PDE11A: variants seen among roughly 807,000 people sequenced by gnomAD.
PDE11A encodes the protein phosphodiesterase 11A.
In PDE11A, 100 loss-of-function variants were observed where a neutral mutation model predicts 100.5. The ratio of observed to expected loss-of-function variants is 1.00; its 90% CI spans 0.85 to 1.18. The LOEUF (loss-of-function observed/expected upper bound fraction) is 1.18, where lower values mean the gene tolerates loss of function less well. Ranked by LOEUF, PDE11A falls within the 50% of genes most tolerant of loss-of-function variation. The pLI is 0.00. For missense variants in PDE11A, 1,141 were observed against 1,152.6 expected, an observed-to-expected ratio of 0.99 and a Z score of 0.15; for synonymous variants, 381 against 420.8, an observed-to-expected ratio of 0.91 and a Z score of 1.16.
At chr2:177,845,051 G>C (rs1413224401) in intron 5 of PDE11A, among the ~76,000 whole-genome samples, 1 of 151,882 alleles carries the variant, frequency 6.6e-6, no homozygotes, top group Non-Finnish European at 1.5e-5. Flanking sequence ...ATGAGCTGTT[G>C]GGCACACCTC....
chr2:177,713,583 C>T (rs1028166759), intron 12 of PDE11A, among the ~76,000 whole-genome samples: 15 of 151,900 alleles, frequency 9.9e-5, no homozygotes, highest in African/African-American at 2.7e-4. Flanking sequence ...AAATTAGCCT[C>T]GCTTGGTGGC....
chr2:178,036,866 T>C (rs991171219), intron 1 of PDE11A, among the ~76,000 whole-genome samples: 8 of 152,002 alleles, frequency 5.3e-5, no homozygotes, highest in Admixed American at 3.9e-4. Context: ...TATAGAAAAA[T>C]TAACTCAAGA....
intron 9 of PDE11A, among the ~76,000 whole-genome samples, chr2:177,776,828 G>C (rs1381893512): frequency 6.6e-6 from 1 of 152,140 alleles, no homozygotes; most frequent in Admixed American, 6.6e-5. Context: ...TGGTTTGGCT[G>C]TGTCCCCAAC....
intron 10 of PDE11A, among the ~76,000 whole-genome samples, chr2:177,738,117 G>A (rs560564370): frequency 3.7e-4 from 53 of 141,870 alleles, no homozygotes; most frequent in Admixed American, 1.4e-3. Context: ...TGCCTTCTAA[G>A]TTTGTGTGAA....
chr2:177,854,399 G>T (rs2083792501), intron 5 of PDE11A, among the ~76,000 whole-genome samples: 1 of 152,056 alleles, frequency 6.6e-6, no homozygotes, highest in African/African-American at 2.4e-5. Flanking sequence ...TCATTAAGAT[G>T]AATTTGGAAG....
chr2:177,838,787 C>G (rs1490067328), intron 6 of PDE11A, among the ~76,000 whole-genome samples: 1 of 152,142 alleles, frequency 6.6e-6, no homozygotes, highest in Non-Finnish European at 1.5e-5. Flanking sequence ...TTTCAGTGCT[C>G]CAGTCATATA....
chr2:177,917,848 T>A (rs548885804), intron 2 of PDE11A, among the ~76,000 whole-genome samples: 32 of 152,342 alleles, frequency 2.1e-4, no homozygotes, highest in Non-Finnish European at 3.5e-4. Context: ...ACATGGATAA[T>A]AAACCATACT....
At chr2:177,877,992 G>T (rs2084268568) in intron 4 of PDE11A, among the ~76,000 whole-genome samples, 1 of 124,624 alleles carries the variant, frequency 8.0e-6, no homozygotes, top group Non-Finnish European at 1.7e-5. Context: ...AATAGGAATA[G>T]ATTAAATATT....
chr2:177,631,647 A>G (rs190101857), intron 19 of PDE11A, among the ~76,000 whole-genome samples: 58 of 137,606 alleles, frequency 4.2e-4, no homozygotes, highest in Admixed American at 7.9e-4. Flanking sequence ...ATACATATAT[A>G]TGTGTGTGTA....
chr2:177,803,847 T>C (rs2082828473), intron 9 of PDE11A, among the ~76,000 whole-genome samples: 1 of 151,956 alleles, frequency 6.6e-6, no homozygotes, highest in Non-Finnish European at 1.5e-5. Context: ...GCCAACATCA[T>C]ACTCAATGGA....
At chr2:177,883,634 A>G (rs2084382487) in intron 4 of PDE11A, among the ~76,000 whole-genome samples, 1 of 152,194 alleles carries the variant, frequency 6.6e-6, no homozygotes, top group South Asian at 2.1e-4. Context: ...CTGAGGGAAC[A>G]AATCAGTTCG....
intron 5 of PDE11A, among the ~76,000 whole-genome samples, chr2:177,841,971 G>C (rs2083498641): frequency 6.6e-6 from 1 of 152,114 alleles, no homozygotes; most frequent in Non-Finnish European, 1.5e-5. Context: ...TTTATGTTGT[G>C]CTGCAATGAA....
intron 2 of PDE11A, among the ~76,000 whole-genome samples, chr2:177,929,625 T>A (rs1289796768): frequency 6.6e-6 from 1 of 152,208 alleles, no homozygotes; most frequent in African/African-American, 2.4e-5. Flanking sequence ...TTCCTGGGTT[T>A]CTTTTACAGT....
chr2:178,105,819 T>C, intron 1 of PDE11A: 1 of 627,130 alleles, frequency 1.6e-6, no homozygotes, highest in Non-Finnish European at 2.3e-6. Flanking sequence ...AACTGGGACC[T>C]TGGCCAGATT....
At chr2:177,651,487 C>T (rs528981406) in intron 19 of PDE11A, among the ~76,000 whole-genome samples, 11 of 152,284 alleles carry the variant, frequency 7.2e-5, no homozygotes, top group South Asian at 4.1e-4. Flanking sequence ...GCCAAACCTA[C>T]GAGCCAGTGG....
chr2:177,655,038 T>TA (rs1559128188), intron 19 of PDE11A, among the ~76,000 whole-genome samples: 1 of 152,166 alleles, frequency 6.6e-6, no homozygotes, highest in South Asian at 2.1e-4. Flanking sequence ...AGAAATCCTT[T>TA]AAAAAAGAGT....
chr2:177,698,823 C>G (rs1169319542), intron 14 of PDE11A, among the ~76,000 whole-genome samples: 9 of 152,200 alleles, frequency 5.9e-5, no homozygotes, highest in Admixed American at 5.2e-4. Context: ...CACCATAATT[C>G]TGCCCAGGTT....
intron 12 of PDE11A, 22 bp downstream of exon 12, chr2:177,727,636 C>T (rs1001699565): frequency 7.6e-7 from 1 of 1,318,154 alleles, no homozygotes; most frequent in Non-Finnish European, 1.1e-6. Context: ...AATGATCTTC[C>T]ACCATCACTA....
chr2:178,104,074 C>A (rs2087590455), intron 2 of PDE11A, among the ~76,000 whole-genome samples: 1 of 151,936 alleles, frequency 6.6e-6, no homozygotes, highest in Non-Finnish European at 1.5e-5. Flanking sequence ...AAATCAAATA[C>A]CCTGTATAGG....
Sources: allele counts gnomAD v4.1 joint callset (sites outside exome capture counted in the v4.1 genomes callset), GRCh38; gene constraint gnomAD v4.1.1; transcripts MANE v1.5; gene names NCBI Gene and HGNC (gene_info 2026-07-23, HGNC 2026-07-21).